Variants in TTC33 observed in about 807,000 individuals in gnomAD.
TTC33 encodes tetratricopeptide repeat domain 33.
A neutral mutation model predicts 29.4 loss-of-function variants in TTC33; 24 were observed. That is an observed-to-expected ratio of 0.82 (90% CI 0.59 to 1.15). TTC33 has a LOEUF of 1.15. Among genes scored for constraint, TTC33 ranks in the 50% most tolerant of loss-of-function variants. The pLI is 0.00. For missense variants in TTC33, 286 were observed against 310.4 expected (o/e 0.92, Z 0.59); for synonymous variants, 107 against 100.3 (o/e 1.07, Z -0.40).
At chr5:40,736,170 T>C (rs572236521) in intron 2 of TTC33, among the ~76,000 whole-genome samples, 7 of 152,212 alleles carry the variant, frequency 4.6e-5, no homozygotes, top group African/African-American at 1.7e-4. Flanking sequence ...TGATGACAGA[T>C]CATATAGGCA....
chr5:40,718,768 G>A (rs1050911300), intron 4 of TTC33, among the ~76,000 whole-genome samples: 1 of 151,726 alleles, frequency 6.6e-6, no homozygotes, highest in African/African-American at 2.4e-5. Flanking sequence ...GGGTGTAGTG[G>A]TGTATGCCTG....
Position 40,745,105 on chromosome 5 carries a change from G to A in TTC33, c.221+1693C>T, listed in dbSNP as rs146662162. On this transcript the variant is annotated intron_variant, in intron 2 of 4. Transcript: ENST00000337702. ...ACTCTTCCAATAGTCAGTGTCATGGGGGATAAAAGTAGAAAACCCAAGGAT... is the reference window on the plus strand; with the variant it reads ...ACTCTTCCAATAGTCAGTGTCATGGAGGATAAAAGTAGAAAACCCAAGGAT... Among the ~76,000 whole-genome samples the A allele has an allele frequency of 3.8e-3, 572 of 152,186 alleles. 1 individual carries two copies. Among genetic ancestry groups the A allele is most frequent in the Admixed American group, 6.0e-3 (91 of 15,284 alleles).
chr5:40,725,843 T>C lies in TTC33; in HGVS notation c.435+2502A>G, dbSNP rs576498120. ...CTCTGTCACCCAGGCTGGAGTGCAG[T>C]GGCGCGATCTCAGCTCACTGCAAGC... On this transcript the variant is annotated intron_variant, in intron 4 of 4. Coordinates refer to ENST00000337702, the MANE Select transcript of TTC33 (RefSeq NM_012382.3). Among the ~76,000 whole-genome samples the C allele has an allele frequency of 4.6e-3, 689 of 149,722 alleles. 6 individuals are homozygous for C. Among genetic ancestry groups the C allele is most frequent in the African/African-American group, 0.016 (644 of 40,470 alleles).
intron 2 of TTC33, among the ~76,000 whole-genome samples, chr5:40,739,410 C>T (rs1277239156): frequency 1.3e-5 from 2 of 152,114 alleles, no homozygotes; most frequent in African/African-American, 4.8e-5. Flanking sequence ...GGATCTGTAT[C>T]CCCACCCAAA....
At chr5:40,737,498 G>T (rs945057598) in intron 2 of TTC33, among the ~76,000 whole-genome samples, 1 of 152,050 alleles carries the variant, frequency 6.6e-6, no homozygotes, top group African/African-American at 2.4e-5. Context: ...AAGACATCAT[G>T]AACACATATA....
At chr5:40,749,236 G>A (rs182537619) in intron 1 of TTC33, among the ~76,000 whole-genome samples, 1 of 152,318 alleles carries the variant, frequency 6.6e-6, no homozygotes, top group Admixed American at 6.5e-5. Context: ...TATTTATTTA[G>A]AGAAGAGATT....
At chr5:40,722,523 G>T (rs1269037341) in intron 4 of TTC33, among the ~76,000 whole-genome samples, 1 of 149,742 alleles carries the variant, frequency 6.7e-6, no homozygotes, top group African/African-American at 2.5e-5. Flanking sequence ...CCACCTCCCC[G>T]TCTGGAATGT....
intron 1 of TTC33, among the ~76,000 whole-genome samples, chr5:40,755,043 C>T (rs1258302782): frequency 6.6e-6 from 1 of 152,146 alleles, no homozygotes; most frequent in Non-Finnish European, 1.5e-5. Context: ...TCATGTTAAA[C>T]TCATGAAACC....
chr5:40,747,086 C>G, intron 1 of TTC33, 67 bp from the exon 2 acceptor site: 1 of 1,411,452 alleles, frequency 7.1e-7, no homozygotes, highest in South Asian at 1.3e-5. Flanking sequence ...GAGATGGAGT[C>G]TCACTCTCGT....
intron 2 of TTC33, among the ~76,000 whole-genome samples, chr5:40,745,099 T>C (rs1742765682): frequency 6.6e-6 from 1 of 152,154 alleles, no homozygotes; most frequent in Non-Finnish European, 1.5e-5. Context: ...ATAGTCAGTG[T>C]CATGGGGGAT....
rs893464505 is a variant in TTC33, at chr5:40,714,488, T to C, written c.*1657A>G. ...AAATCTTCAAAATGCAGAAAAAAACTATTTATTCACAAATTACACAAAAAA... is the reference window on the plus strand; with the variant it reads ...AAATCTTCAAAATGCAGAAAAAAACCATTTATTCACAAATTACACAAAAAA... On this transcript the variant is annotated 3_prime_UTR_variant, in exon 5 of 5. Coordinates refer to ENST00000337702, the MANE Select transcript of TTC33 (RefSeq NM_012382.3). The C allele has an allele frequency of 2.0e-5, 3 of 152,202 alleles. No individual in the cohort carries two copies. The highest frequency in any genetic ancestry group is 7.2e-5 in the African/African-American group (3 of 41,422). The allele number at this position is 152,202 out of a possible 1,614,324, so 9.4% of individuals were successfully genotyped here.
At chr5:40,737,566 T>G (rs1742581478) in intron 2 of TTC33, among the ~76,000 whole-genome samples, 1 of 152,204 alleles carries the variant, frequency 6.6e-6, no homozygotes. Flanking sequence ...CAAAACTTTG[T>G]TTTTTTAATC....
At chr5:40,754,012 C>G (rs1177316541) in intron 1 of TTC33, among the ~76,000 whole-genome samples, 1 of 152,162 alleles carries the variant, frequency 6.6e-6, no homozygotes, top group Non-Finnish European at 1.5e-5. Flanking sequence ...ACCCACACAT[C>G]TTTTAAAATT....
chr5:40,728,483 G>T lies in TTC33; in HGVS notation c.304-7C>A. 1.9e-6 allele frequency: 3 copies of T among 1,580,098 alleles called. No homozygotes were observed. The highest frequency in any genetic ancestry group is 2.6e-6 in the Non-Finnish European group (3 of 1,167,894). On this transcript the variant is annotated splice_region_variant and splice_polypyrimidine_tract_variant and intron_variant, in intron 3 of 4. Coordinates refer to ENST00000337702, the MANE Select transcript of TTC33 (RefSeq NM_012382.3). ...CATGAAGAGACATTAGCACCTATAG[G>T]CAAAAAAAGACCAAAAAATCTGTCA...
At chr5:40,752,172 AAGAG>A (rs1299834635) in intron 1 of TTC33, among the ~76,000 whole-genome samples, 1 of 152,204 alleles carries the variant, frequency 6.6e-6, no homozygotes, top group Non-Finnish European at 1.5e-5. Flanking sequence ...CACAGAATTG[AAGAG>A]AGTTAGAAAC....
intron 3 of TTC33, 134 bp from the exon 4 acceptor site, chr5:40,728,610 C>T: frequency 1.3e-6 from 1 of 745,520 alleles, no homozygotes; most frequent in Non-Finnish European, 2.0e-6. Context: ...TTACCCCTTA[C>T]TCTGCCATTC....
intron 1 of TTC33, among the ~76,000 whole-genome samples, chr5:40,749,176 G>A (rs1193274616): frequency 6.6e-6 from 1 of 152,082 alleles, no homozygotes; most frequent in Non-Finnish European, 1.5e-5. Flanking sequence ...AATAAAGAGA[G>A]GATAAATGAT....
At chr5:40,742,388 T>C (rs577050297) in intron 2 of TTC33, among the ~76,000 whole-genome samples, 3 of 152,188 alleles carry the variant, frequency 2.0e-5, no homozygotes, top group Non-Finnish European at 4.4e-5. Flanking sequence ...ATTAAGTACA[T>C]TACATACGTA....
chr5:40,743,701 G>A (rs1434578678), intron 2 of TTC33, among the ~76,000 whole-genome samples: 1 of 152,156 alleles, frequency 6.6e-6, no homozygotes, highest in Non-Finnish European at 1.5e-5. Flanking sequence ...TTAAACCTAG[G>A]AGAAGGAGGT....
Sources: allele counts gnomAD v4.1 joint callset (sites outside exome capture counted in the v4.1 genomes callset), GRCh38; gene constraint gnomAD v4.1.1; transcripts MANE v1.5; gene names NCBI Gene and HGNC (gene_info 2026-07-23, HGNC 2026-07-21).